The following AUH variants were observed in gnomAD, a reference collection of about 807,000 sequenced individuals.
AUH encodes the protein methylglutaconyl-CoA hydratase, mitochondrial.
AUH carries 29 observed loss-of-function variants against 42.3 expected under a neutral mutation model. The observed-to-expected ratio is 0.69, with a 90% confidence interval of 0.51 to 0.93. The LOEUF is 0.93. Ranked by LOEUF, AUH falls within the 40% of genes least tolerant of loss-of-function variation. The probability of loss-of-function intolerance (pLI) is 0.00; values close to 1 mark genes in which losing one functional copy is unlikely to be tolerated. For synonymous variants in AUH, 174 were observed against 166.4 expected (o/e 1.05, Z -0.35); for missense variants, 452 against 438.1 (o/e 1.03, Z -0.28).
chr9:91,248,644 C>T (rs925428811), intron 6 of AUH, among the ~76,000 whole-genome samples: 1 of 152,128 alleles, frequency 6.6e-6, no homozygotes, highest in African/African-American at 2.4e-5. Flanking sequence ...CTCACTGTTT[C>T]ATATCAAAAT....
At chr9:91,281,921 G>C (rs1332435798) in intron 6 of AUH, among the ~76,000 whole-genome samples, 2 of 152,126 alleles carry the variant, frequency 1.3e-5, no homozygotes, top group African/African-American at 4.8e-5. Context: ...TCCTAACACA[G>C]TGATGACAAT....
At chr9:91,256,734 GAGGGAGTGGGT>G (rs1216101666) in intron 6 of AUH, among the ~76,000 whole-genome samples, 6 of 152,104 alleles carry the variant, frequency 3.9e-5, no homozygotes, top group Non-Finnish European at 8.8e-5. Context: ...AAAGAAAAGT[GAGGGAGTGGGT>G]AGGGAGGAGA....
At chr9:91,222,862 C>T (rs1467024630) in intron 6 of AUH, among the ~76,000 whole-genome samples, 2 of 152,184 alleles carry the variant, frequency 1.3e-5, no homozygotes, top group Non-Finnish European at 2.9e-5. Flanking sequence ...TCACAATTAA[C>T]AAATGTGACC....
chr9:91,295,026 G>A (rs544846469), intron 6 of AUH, among the ~76,000 whole-genome samples: 2 of 152,248 alleles, frequency 1.3e-5, no homozygotes, highest in Admixed American at 1.3e-4. Context: ...CCATGGAGGC[G>A]GGTTTCCCCC....
intron 6 of AUH, among the ~76,000 whole-genome samples, chr9:91,292,658 T>G (rs1310973796): frequency 6.6e-6 from 1 of 152,024 alleles, no homozygotes; most frequent in African/African-American, 2.4e-5. Context: ...AATGCACGCA[T>G]AAAAGCTTTA....
At chr9:91,225,566 C>CT in intron 6 of AUH, among the ~76,000 whole-genome samples, 1 of 151,138 alleles carries the variant, frequency 6.6e-6, no homozygotes, top group African/African-American at 2.4e-5. Context: ...TATTATTATA[C>CT]TTTAAGTTTT....
At position 91,296,018 on chromosome 9, in the gene AUH, T is replaced by G. The variant is rs755914350; in HGVS notation, c.655+3A>C. 4.2e-5 allele frequency: 67 copies of G among 1,613,904 alleles called. No homozygotes were observed. The highest frequency in any genetic ancestry group is 6.7e-5 in the Admixed American group (4 of 60,004). On this transcript the variant is annotated splice_donor_region_variant and intron_variant, in intron 6 of 9. Coordinates refer to ENST00000375731, the MANE Select transcript of AUH (RefSeq NM_001698.3). Reference sequence around the variant, plus strand: ...TTGAGGAATGGGCGTGAACTACTCATACCTCCACCAGGAATAATCGCCAAT... The same window carrying G: ...TTGAGGAATGGGCGTGAACTACTCAGACCTCCACCAGGAATAATCGCCAAT...
At chr9:91,314,856 A>T (rs1829024282) in intron 4 of AUH, among the ~76,000 whole-genome samples, 1 of 152,218 alleles carries the variant, frequency 6.6e-6, no homozygotes, top group Non-Finnish European at 1.5e-5. Context: ...TTCCTGATAA[A>T]GAGACTACCA....
At chr9:91,236,652 A>G (rs1299860731) in intron 6 of AUH, among the ~76,000 whole-genome samples, 1 of 152,156 alleles carries the variant, frequency 6.6e-6, no homozygotes, top group African/African-American at 2.4e-5. Flanking sequence ...GCAGGTGTGC[A>G]TAACTGGAGG....
At chr9:91,346,705 ATCCCACAAGTTAAGGGG>A (rs1329583844) in intron 3 of AUH, among the ~76,000 whole-genome samples, 1 of 152,162 alleles carries the variant, frequency 6.6e-6, no homozygotes, top group Admixed American at 6.5e-5. Flanking sequence ...AATTAGTGGG[ATCCCACAAGTTAAGGGG>A]TCCCACAAGG....
At chr9:91,268,063 T>C (rs989074535) in intron 6 of AUH, among the ~76,000 whole-genome samples, 4 of 152,098 alleles carry the variant, frequency 2.6e-5, no homozygotes, top group African/African-American at 7.2e-5. Context: ...GCAGAAAAAA[T>C]GAAGACCAGA....
intron 6 of AUH, among the ~76,000 whole-genome samples, chr9:91,255,055 G>C (rs1322520661): frequency 1.3e-5 from 2 of 152,176 alleles, no homozygotes; most frequent in Non-Finnish European, 2.9e-5. Flanking sequence ...AAAGTGTAAG[G>C]TTAGATTTAT....
chr9:91,351,487 T>C (rs1257050000), intron 3 of AUH, among the ~76,000 whole-genome samples: 1 of 152,196 alleles, frequency 6.6e-6, no homozygotes, highest in Non-Finnish European at 1.5e-5. Flanking sequence ...AAAGAGAACA[T>C]CCTGGTAGAG....
chr9:91,275,989 C>G (rs1564056398), intron 6 of AUH, among the ~76,000 whole-genome samples: 1 of 152,132 alleles, frequency 6.6e-6, no homozygotes, highest in Non-Finnish European at 1.5e-5. Context: ...TTCTAAAATA[C>G]AGCTTCATGC....
chr9:91,354,192 A>G (rs1832231884), intron 3 of AUH, among the ~76,000 whole-genome samples: 1 of 151,972 alleles, frequency 6.6e-6, no homozygotes, highest in Non-Finnish European at 1.5e-5. Context: ...AGAAAGGAAA[A>G]CCTTTCGGAG....
intron 3 of AUH, among the ~76,000 whole-genome samples, chr9:91,351,159 C>A (rs998473905): frequency 6.6e-6 from 1 of 152,034 alleles, no homozygotes; most frequent in African/African-American, 2.4e-5. Context: ...TTTGGAGAGA[C>A]AGGGTTTTGC....
At chr9:91,291,782 T>C (rs937967118) in intron 6 of AUH, among the ~76,000 whole-genome samples, 3 of 152,184 alleles carry the variant, frequency 2.0e-5, no homozygotes, top group African/African-American at 4.8e-5. Context: ...ATGTCTTCCA[T>C]GTTCAACACT....
intron 6 of AUH, among the ~76,000 whole-genome samples, chr9:91,239,454 T>TG (rs1274269957): frequency 1.3e-5 from 2 of 152,202 alleles, no homozygotes; most frequent in Non-Finnish European, 2.9e-5. Flanking sequence ...TAAAGCCCAC[T>TG]GCAAGCTGAT....
chr9:91,215,145 T>C (rs1826747476), intron 9 of AUH, among the ~76,000 whole-genome samples: 1 of 152,142 alleles, frequency 6.6e-6, no homozygotes, highest in Admixed American at 6.5e-5. Context: ...CCAGGAAAGG[T>C]AGAACAAAAC....
Sources: gnomAD v4.1 joint callset for allele counts (sites outside exome capture counted in the v4.1 genomes callset) on GRCh38, gnomAD v4.1.1 for gene constraint, MANE v1.5 for transcripts, NCBI Gene and HGNC (gene_info 2026-07-23, HGNC 2026-07-21) for gene names.